The following RIMS2 variants were observed in gnomAD, a reference collection of about 807,000 sequenced individuals.
RIMS2 encodes the protein regulating synaptic membrane exocytosis protein 2.
A neutral mutation model predicts 174.4 loss-of-function variants in RIMS2; 59 were observed. That is an observed-to-expected ratio of 0.34 (90% CI 0.27 to 0.42). RIMS2 has a LOEUF of 0.42. RIMS2 is among the 10% of genes least tolerant of loss of function. RIMS2 has a pLI of 1.00. For synonymous variants in RIMS2, 606 were observed against 572.5 expected, an observed-to-expected ratio of 1.06 and a Z score of -0.84; for missense variants, 1,620 against 1,666.3, an observed-to-expected ratio of 0.97 and a Z score of 0.48.
At chr8:103,964,578 A>G (rs1288623427) in intron 15 of RIMS2, among the ~76,000 whole-genome samples, 2 of 152,128 alleles carry the variant, frequency 1.3e-5, no homozygotes, top group East Asian at 3.8e-4. Context: ...CCTTTATAAA[A>G]TGTGTCTTTT....
chr8:104,139,668 C>G (rs1599750560), intron 19 of RIMS2, among the ~76,000 whole-genome samples: 1 of 152,188 alleles, frequency 6.6e-6, no homozygotes, highest in East Asian at 1.9e-4. Flanking sequence ...TTGGTGTAGT[C>G]TTTAGGTTTT....
chr8:104,222,437 T>G (rs538295666), intron 19 of RIMS2, among the ~76,000 whole-genome samples: 2 of 152,314 alleles, frequency 1.3e-5, no homozygotes, highest in South Asian at 2.1e-4. Flanking sequence ...TAATTTACAT[T>G]TTACGTTGAA....
At chr8:103,689,949 C>A (rs999474148) in intron 1 of RIMS2, among the ~76,000 whole-genome samples, 9 of 139,940 alleles carry the variant, frequency 6.4e-5, no homozygotes, top group African/African-American at 2.4e-4. Context: ...CATTCAGCTA[C>A]TCCATGTGTC....
intron 19 of RIMS2, among the ~76,000 whole-genome samples, chr8:104,160,796 A>C (rs1237972408): frequency 2.0e-5 from 3 of 152,218 alleles, no homozygotes; most frequent in Non-Finnish European, 4.4e-5. Context: ...CATTGTCCCT[A>C]CTACCTCATA....
Position 104,081,972 on chromosome 8 carries a change from AT to A in RIMS2, c.3334+67366del, listed in dbSNP as rs559380623. On this transcript the variant is annotated intron_variant, in intron 19 of 23. Coordinates refer to ENST00000504942, the Ensembl canonical transcript of RIMS2. ...TCTCTGTTTTTTAAGGCATTTGAAT[AT>A]TTTTTTTTCAATTTCAGTGGTCATT... Among the ~76,000 whole-genome samples, 7 of 151,138 alleles carry A rather than the reference AT, an allele frequency of 4.6e-5. No homozygotes were observed. The South Asian group carries it at 6.3e-4, about 14-fold the overall frequency.
intron 1 of RIMS2, among the ~76,000 whole-genome samples, chr8:103,658,288 G>A (rs2096555791): frequency 6.6e-6 from 1 of 152,158 alleles, no homozygotes; most frequent in Non-Finnish European, 1.5e-5. Context: ...CTTCTCTTAG[G>A]TGGTAATGAA....
At chr8:103,621,859 A>C (rs1039513264) in intron 1 of RIMS2, among the ~76,000 whole-genome samples, 3 of 148,960 alleles carry the variant, frequency 2.0e-5, no homozygotes, top group African/African-American at 7.4e-5. Flanking sequence ...AGCAAAAATA[A>C]AACTGAAATT....
chr8:103,802,854 G>A (rs369165818), intron 3 of RIMS2, among the ~76,000 whole-genome samples: 3 of 152,162 alleles, frequency 2.0e-5, no homozygotes, highest in African/African-American at 4.8e-5. Flanking sequence ...TAGTCACCTC[G>A]AGGGGGAGTT....
chr8:104,110,770 A>C (rs1024490360), intron 19 of RIMS2, among the ~76,000 whole-genome samples: 1 of 152,174 alleles, frequency 6.6e-6, no homozygotes. Flanking sequence ...CTATCAAATA[A>C]ATTTGGGAAC....
chr8:103,501,137 C>A, intron 1 of RIMS2, 75 bp downstream of exon 1: 1 of 1,211,604 alleles, frequency 8.3e-7, no homozygotes, highest in Non-Finnish European at 1.1e-6. Context: ...CGGCCGCCTG[C>A]GCGCCCCAGT....
intron 3 of RIMS2, among the ~76,000 whole-genome samples, chr8:103,866,720 G>C (rs2099086182): frequency 2.0e-5 from 3 of 152,052 alleles, no homozygotes; most frequent in African/African-American, 7.2e-5. Flanking sequence ...TCAAAAGAGA[G>C]ACCTCTTAAC....
chr8:103,532,079 C>G (rs943050190), intron 1 of RIMS2, among the ~76,000 whole-genome samples: 1 of 152,188 alleles, frequency 6.6e-6, no homozygotes, highest in African/African-American at 2.4e-5. Context: ...TAAGTTATGT[C>G]AAAATGCTGA....
chr8:103,819,619 A>T, intron 3 of RIMS2: 1 of 1,612,252 alleles, frequency 6.2e-7, no homozygotes, highest in Non-Finnish European at 8.5e-7. Flanking sequence ...ACAAACACTG[A>T]ACAATGCAAG....
chr8:103,910,480 A>T, intron 5 of RIMS2: 2 of 1,597,806 alleles, frequency 1.3e-6, no homozygotes, highest in Non-Finnish European at 1.7e-6. Flanking sequence ...TCTGGGGTAG[A>T]TACGTGTAGT....
intron 3 of RIMS2, among the ~76,000 whole-genome samples, chr8:103,801,338 A>G (rs141834067): frequency 6.6e-6 from 1 of 152,314 alleles, no homozygotes; most frequent in African/African-American, 2.4e-5. Flanking sequence ...TTATGCAGCC[A>G]TTCAGGTTAC....
Position 104,223,773 on chromosome 8 carries a change from C to A in RIMS2, c.3335-21143C>A, listed in dbSNP as rs540729350. 71 of 1,596,442 alleles carry A rather than the reference C, an allele frequency of 4.4e-5. No individual in the cohort carries two copies. In the African/African-American group the frequency reaches 8.1e-4, roughly 18 times the overall value. On this transcript the variant is annotated intron_variant, in intron 19 of 23. Coordinates refer to ENST00000504942, the Ensembl canonical transcript of RIMS2. The stretch of plus-strand genomic sequence containing the variant: ...GCCGGCTACTTTCCCTGCATGAACT[C>A]CCTGGAGGAGGAAGAAGGAGGTGAG...
intron 16 of RIMS2, chr8:103,976,960 G>A (rs1041702026): frequency 1.3e-5 from 2 of 152,106 alleles, no homozygotes; most frequent in Non-Finnish European, 2.9e-5. Context: ...TAAGAATCAC[G>A]GAAATAATAG....
At chr8:104,098,076 T>C (rs1175896276) in intron 19 of RIMS2, among the ~76,000 whole-genome samples, 1 of 152,236 alleles carries the variant, frequency 6.6e-6, no homozygotes, top group Admixed American at 6.5e-5. Context: ...ATGATTATGT[T>C]CATTTTATAG....
At chr8:103,768,945 G>T in intron 3 of RIMS2, 4 of 409,906 alleles carry the variant, frequency 9.8e-6, no homozygotes, top group Middle Eastern at 9.4e-4. Context: ...AGGCTAAACA[G>T]AAGCGTCAGG....
Sources: allele counts gnomAD v4.1 joint callset (sites outside exome capture counted in the v4.1 genomes callset), GRCh38; gene constraint gnomAD v4.1.1; transcripts MANE v1.5; gene names NCBI Gene and HGNC (gene_info 2026-07-23, HGNC 2026-07-21).